The following ALDH1L1 variants were observed in gnomAD, a reference collection of about 807,000 sequenced individuals.
ALDH1L1 encodes cytosolic 10-formyltetrahydrofolate dehydrogenase.
A neutral mutation model predicts 101.1 loss-of-function variants in ALDH1L1; 68 were observed. The observed-to-expected ratio is 0.67, with a 90% CI of 0.55 to 0.82. The LOEUF (loss-of-function observed/expected upper bound fraction) is 0.82, where lower values mean the gene tolerates loss of function less well. Ranked by LOEUF, ALDH1L1 falls within the 40% of genes least tolerant of loss-of-function variation. ALDH1L1 has a pLI of 0.00. For synonymous variants in ALDH1L1, 486 were observed against 470.8 expected (o/e 1.03, Z -0.42); for missense variants, 1,087 against 1,172.7 (o/e 0.93, Z 1.07).
chr3:126,128,218 A>G (rs1001079850), intron 14 of ALDH1L1, among the ~76,000 whole-genome samples: 9 of 152,122 alleles, frequency 5.9e-5, no homozygotes, highest in African/African-American at 2.2e-4. Flanking sequence ...CCTAACACAA[A>G]CATCCAAAAG....
intron 14 of ALDH1L1, among the ~76,000 whole-genome samples, chr3:126,128,179 G>A (rs2080226501): frequency 6.6e-6 from 1 of 152,186 alleles, no homozygotes. Context: ...GATTCCGAGT[G>A]GAGCAGTGAC....
At chr3:126,123,511 G>C (rs1449093033) in intron 16 of ALDH1L1, among the ~76,000 whole-genome samples, 5 of 151,856 alleles carry the variant, frequency 3.3e-5, no homozygotes, top group African/African-American at 7.3e-5. Context: ...ACTCACCTCG[G>C]CCTCCCAAAG....
intron 1 of ALDH1L1, among the ~76,000 whole-genome samples, chr3:126,189,868 G>C (rs2081542352): frequency 6.6e-6 from 1 of 152,168 alleles, no homozygotes; most frequent in South Asian, 2.1e-4. Context: ...CAATGGTAGT[G>C]CCTTTGGCCA....
At position 126,163,294 on chromosome 3, in the gene ALDH1L1, G is replaced by A. The variant is rs9823998; in HGVS notation, c.-23-2292C>T. 4.6e-3 allele frequency among the ~76,000 whole-genome samples: 704 copies of A among 152,246 alleles called. 2 individuals are homozygous for A. The highest frequency in any genetic ancestry group is 0.016 in the African/African-American group (675 of 41,542). On this transcript the variant is annotated intron_variant, in intron 1 of 22. Transcript: ENST00000393434. ...AATACAATTGATTTTGTACACTGAC[G>A]TTGTATTAACTAGCACCTTAATTGC...
At chr3:126,194,809 C>A (rs921153622) in intron 1 of ALDH1L1, among the ~76,000 whole-genome samples, 2 of 152,092 alleles carry the variant, frequency 1.3e-5, no homozygotes, top group African/African-American at 4.8e-5. Context: ...ACATTTCACT[C>A]TCCTCACATA....
In ALDH1L1 at chr3:126,136,719, G is replaced by C. The variant is rs9282695; in HGVS notation, c.1344+45C>G. 4,405 of 1,552,218 alleles carry C rather than the reference G, an allele frequency of 2.8e-3. 113 individuals are homozygous for C. In the African/African-American group the frequency reaches 0.052, roughly 18 times the overall value. ...CAGTGGGGGCAGGGAAGGAAGGACA[G>C]GGAGGCTGGGGAATGTGGAGAAGGG... On this transcript the variant is annotated intron_variant, in intron 11 of 22. Coordinates refer to ENST00000393434, the MANE Select transcript of ALDH1L1 (RefSeq NM_012190.4).
chr3:126,163,391 G>A (rs1307282350), intron 1 of ALDH1L1, among the ~76,000 whole-genome samples: 3 of 152,160 alleles, frequency 2.0e-5, no homozygotes, highest in African/African-American at 7.2e-5. Flanking sequence ...TATGATGTTG[G>A]TTTTAATTCT....
chr3:126,122,869 T>C (rs2080105471), intron 16 of ALDH1L1, among the ~76,000 whole-genome samples: 1 of 152,150 alleles, frequency 6.6e-6, no homozygotes, highest in African/African-American at 2.4e-5. Context: ...AATATTTGCT[T>C]AATGCAAAAG....
At position 126,135,567 on chromosome 3, in the gene ALDH1L1, G is replaced by A. The variant is rs1270977308; in HGVS notation, c.1440C>T (p.Ile480=). The change falls in exon 12 of 23, where the codon ATC becomes ATT. Residue 480 remains isoleucine (I), a synonymous_variant. Coordinates refer to ENST00000393434, the MANE Select transcript of ALDH1L1 (RefSeq NM_012190.4). The part of the protein sequence containing the change: ...DAFENGRWGK[I]SARDRGRLMY... ...TCAGCCGGCCCCGGTCCCGCGCACT[G>A]ATCTTCCCCCACCGTCCATTCTCAA... 42 of 1,604,294 alleles carry A rather than the reference G, an allele frequency of 2.6e-5. No homozygotes were observed. The highest frequency in any genetic ancestry group is 3.3e-5 in the Non-Finnish European group (39 of 1,175,956).
At chr3:126,145,565 C>T (rs1009302372) in intron 9 of ALDH1L1, among the ~76,000 whole-genome samples, 2 of 152,194 alleles carry the variant, frequency 1.3e-5, no homozygotes, top group Admixed American at 6.5e-5. Flanking sequence ...TCATGCTAAG[C>T]GTAAAAAGCC....
At chr3:126,123,278 G>A (rs2080114458) in intron 16 of ALDH1L1, among the ~76,000 whole-genome samples, 1 of 145,722 alleles carries the variant, frequency 6.9e-6, no homozygotes. Flanking sequence ...TTTTTTTTGA[G>A]ACAGAGTCTC....
intron 1 of ALDH1L1, among the ~76,000 whole-genome samples, chr3:126,191,524 T>C (rs1868134): frequency 0.62 from 94,733 of 152,104 alleles, 29,580 homozygotes; most frequent in Middle Eastern, 0.67. Flanking sequence ...GTGAGAAGCC[T>C]ACTCCTGACT....
intron 1 of ALDH1L1, among the ~76,000 whole-genome samples, chr3:126,162,285 C>T (rs1234545752): frequency 6.6e-6 from 1 of 152,190 alleles, no homozygotes; most frequent in Non-Finnish European, 1.5e-5. Flanking sequence ...CAGACGCTGC[C>T]AGTTTTCCAG....
rs2081037126 is a variant in ALDH1L1 at position 126,160,988 on chromosome 3, G to A, written c.-9C>T. 6.2e-7 allele frequency: 1 copy of A among 1,614,202 alleles called. No homozygotes were observed. The highest frequency in any genetic ancestry group is 8.5e-7 in the Non-Finnish European group (1 of 1,180,034). The stretch of plus-strand genomic sequence containing the variant: ...ATCACTGCAATCTTCATGGTAGCAG[G>A]AGGGTTGGAAGGACCTGGAGAAGGA... On this transcript the variant is annotated 5_prime_UTR_variant, in exon 2 of 23. Coordinates refer to ENST00000393434, the MANE Select transcript of ALDH1L1 (RefSeq NM_012190.4).
At chr3:126,147,959 A>G (rs1209357876) in intron 8 of ALDH1L1, among the ~76,000 whole-genome samples, 1 of 152,040 alleles carries the variant, frequency 6.6e-6, no homozygotes, top group Non-Finnish European at 1.5e-5. Context: ...CTCCCCAGCT[A>G]ATATTTAAGT....
chr3:126,152,849 G>A (rs1451463863), intron 7 of ALDH1L1: 2 of 165,132 alleles, frequency 1.2e-5, no homozygotes, highest in Non-Finnish European at 2.7e-5. Flanking sequence ...CCTCTATAAG[G>A]ATATAATATT....
At chr3:126,128,531 C>T (rs2080233446) in intron 14 of ALDH1L1, 1 of 152,248 alleles carries the variant, frequency 6.6e-6, no homozygotes, top group East Asian at 1.9e-4. Context: ...GGCGAGGTCC[C>T]CTGTGAAGGT....
At chr3:126,132,900 G>C (rs1014707658) in intron 12 of ALDH1L1, among the ~76,000 whole-genome samples, 5 of 152,230 alleles carry the variant, frequency 3.3e-5, no homozygotes, top group African/African-American at 1.2e-4. Flanking sequence ...GAAGCACTCA[G>C]CTCAGGTTTG....
At chr3:126,110,220 T>C in intron 19 of ALDH1L1, 111 bp from the exon 20 acceptor site, 2 of 1,396,838 alleles carry the variant, frequency 1.4e-6, no homozygotes, top group East Asian at 2.3e-5. Context: ...CCACACTCTG[T>C]TCTAGCCTCA....
Sources: gnomAD v4.1 joint callset for allele counts (sites outside exome capture counted in the v4.1 genomes callset) on GRCh38, gnomAD v4.1.1 for gene constraint, MANE v1.5 for transcripts, NCBI Gene and HGNC (gene_info 2026-07-23, HGNC 2026-07-21) for gene names.